Variants in TRAPPC12 observed in about 807,000 individuals in gnomAD.
TRAPPC12 encodes trafficking protein particle complex subunit 12, also known as TPR repeat protein 15.
In TRAPPC12, 61 loss-of-function variants were observed where a neutral mutation model predicts 69.2. The observed-to-expected ratio is 0.88, with a 90% CI of 0.72 to 1.09. The LOEUF (loss-of-function observed/expected upper bound fraction) is 1.09. Ranked by LOEUF, TRAPPC12 falls within the 50% of genes least tolerant of loss-of-function variation. The probability of loss-of-function intolerance (pLI) is 0.00; values close to 1 mark genes in which losing one functional copy is unlikely to be tolerated. For synonymous variants in TRAPPC12, 469 were observed against 438.9 expected, an observed-to-expected ratio of 1.07 and a Z score of -0.86; for missense variants, 1,101 against 1,016.4, an observed-to-expected ratio of 1.08 and a Z score of -1.13.
intron 3 of TRAPPC12, among the ~76,000 whole-genome samples, chr2:3,419,146 A>G (rs796989559): frequency 1.4e-4 from 22 of 152,182 alleles, no homozygotes; most frequent in African/African-American, 5.1e-4. Flanking sequence ...TCCTCACTGT[A>G]GGTCATGTCC....
intron 3 of TRAPPC12, among the ~76,000 whole-genome samples, chr2:3,421,292 C>T (rs1662769791): frequency 6.6e-6 from 1 of 152,210 alleles, no homozygotes; most frequent in African/African-American, 2.4e-5. Flanking sequence ...GCCAGCCTTT[C>T]CATGTTGAAG....
intron 9 of TRAPPC12, 134 bp downstream of exon 9, chr2:3,465,829 C>T: frequency 1.4e-6 from 1 of 694,872 alleles, no homozygotes; most frequent in South Asian, 1.8e-5. Context: ...TGTATGTGAC[C>T]ATGAAAAGGG....
Position 3,388,479 on chromosome 2 carries a change from G to C in TRAPPC12, c.856G>C (p.Val286Leu). ...AGAGCCTTTCGCGCACATCCAGGCAGTGTTTGCAGGGAGTGACGACCCCTT... is the reference window on the plus strand; with the variant it reads ...AGAGCCTTTCGCGCACATCCAGGCACTGTTTGCAGGGAGTGACGACCCCTT... The part of the protein sequence containing the change: ...SPEPFAHIQA[V>L]FAGSDDPFAT... Residue 286 changes from valine (V) to leucine (L), a missense_variant, in exon 2 of 12, where the codon GTG (valine) becomes CTG (leucine). Coordinates refer to ENST00000324266, the MANE Select transcript of TRAPPC12 (RefSeq NM_016030.6). 1 of 1,612,606 alleles carries C rather than the reference G, an allele frequency of 6.2e-7. No individual in the cohort carries two copies. Among genetic ancestry groups the C allele is most frequent in the Non-Finnish European group, 8.5e-7 (1 of 1,179,616 alleles).
At chr2:3,431,898 C>T (rs1454596738) in intron 5 of TRAPPC12, among the ~76,000 whole-genome samples, 1 of 152,178 alleles carries the variant, frequency 6.6e-6, no homozygotes, top group African/African-American at 2.4e-5. Context: ...CATCCTCTCT[C>T]AGGCAGTTAA....
intron 3 of TRAPPC12, among the ~76,000 whole-genome samples, chr2:3,418,517 A>T (rs1008888911): frequency 2.0e-5 from 3 of 152,196 alleles, no homozygotes; most frequent in Non-Finnish European, 4.4e-5. Flanking sequence ...GTAAAAGACC[A>T]TAGAATAAAC....
chr2:3,389,163 A>G (rs902158793), intron 2 of TRAPPC12, among the ~76,000 whole-genome samples: 1 of 152,252 alleles, frequency 6.6e-6, no homozygotes, highest in African/African-American at 2.4e-5. Flanking sequence ...CTCACTACTA[A>G]TGAAAGACAA....
At chr2:3,451,457 G>A (rs1313394491) in intron 6 of TRAPPC12, among the ~76,000 whole-genome samples, 2 of 152,206 alleles carry the variant, frequency 1.3e-5, no homozygotes, top group African/African-American at 4.8e-5. Flanking sequence ...CATGATTACA[G>A]TCACTTTCAG....
At chr2:3,420,652 A>G (rs993970267) in intron 3 of TRAPPC12, among the ~76,000 whole-genome samples, 6 of 152,076 alleles carry the variant, frequency 3.9e-5, no homozygotes, top group African/African-American at 1.4e-4. Flanking sequence ...CTGGAATTGG[A>G]GCAGGTCGTT....
intron 5 of TRAPPC12, among the ~76,000 whole-genome samples, chr2:3,426,076 T>C (rs1317288170): frequency 6.6e-6 from 1 of 152,240 alleles, no homozygotes; most frequent in Non-Finnish European, 1.5e-5. Context: ...TGGTCCATAT[T>C]ACTCTGAGTT....
chr2:3,451,641 G>A (rs1000448297), intron 6 of TRAPPC12, among the ~76,000 whole-genome samples: 1 of 151,566 alleles, frequency 6.6e-6, no homozygotes, highest in Non-Finnish European at 1.5e-5. Context: ...CTTCTGCCTC[G>A]CCCTCCTGAG....
chr2:3,432,498 A>G (rs1558378763), intron 5 of TRAPPC12, among the ~76,000 whole-genome samples: 1 of 152,220 alleles, frequency 6.6e-6, no homozygotes, highest in Non-Finnish European at 1.5e-5. Flanking sequence ...ATATCTCAGA[A>G]TTAAATATTC....
chr2:3,470,514 G>A (rs936285344), intron 9 of TRAPPC12, among the ~76,000 whole-genome samples: 1 of 152,240 alleles, frequency 6.6e-6, no homozygotes, highest in Non-Finnish European at 1.5e-5. Context: ...ATGGACAACA[G>A]ACCAATCCTG....
At chr2:3,462,207 G>A (rs1253104718) in intron 8 of TRAPPC12, among the ~76,000 whole-genome samples, 1 of 152,134 alleles carries the variant, frequency 6.6e-6, no homozygotes, top group Admixed American at 6.5e-5. Context: ...GCTTTTCTTT[G>A]TGGCACTGTG....
At chr2:3,382,660 C>A (rs1195827523) in intron 1 of TRAPPC12, among the ~76,000 whole-genome samples, 1 of 152,188 alleles carries the variant, frequency 6.6e-6, no homozygotes, top group African/African-American at 2.4e-5. Flanking sequence ...GCACGTGGCT[C>A]ACGCCTGTAA....
At chr2:3,383,900 T>TG (rs1660365556) in intron 1 of TRAPPC12, among the ~76,000 whole-genome samples, 5 of 74,354 alleles carry the variant, frequency 6.7e-5, no homozygotes, top group African/African-American at 3.2e-4. Context: ...TTTTTTTTTT[T>TG]TTTTTTTTTT....
chr2:3,421,680 T>C (rs1294927450), intron 3 of TRAPPC12: 2 of 715,854 alleles, frequency 2.8e-6, no homozygotes, highest in Non-Finnish European at 5.2e-6. Flanking sequence ...GGCTCTCTTA[T>C]TGCCTAATTA....
chr2:3,410,910 G>T (rs1662020026), intron 3 of TRAPPC12, among the ~76,000 whole-genome samples: 2 of 152,138 alleles, frequency 1.3e-5, no homozygotes, highest in South Asian at 4.1e-4. Context: ...CACGCCTGTA[G>T]TCCCAGCTAC....
chr2:3,448,646 G>T (rs1664659076), intron 6 of TRAPPC12, among the ~76,000 whole-genome samples: 1 of 147,848 alleles, frequency 6.8e-6, no homozygotes. Flanking sequence ...CGAGGGTAGG[G>T]CGTGGAGAGC....
chr2:3,457,834 T>C (rs1036936489), intron 7 of TRAPPC12, 141 bp downstream of exon 7: 15 of 1,455,602 alleles, frequency 1.0e-5, no homozygotes, highest in African/African-American at 2.8e-5. Flanking sequence ...TGCAACTCAC[T>C]CCTTTCTTGG....
Sources: allele counts gnomAD v4.1 joint callset (sites outside exome capture counted in the v4.1 genomes callset), GRCh38; gene constraint gnomAD v4.1.1; transcripts MANE v1.5; gene names NCBI Gene and HGNC (gene_info 2026-07-23, HGNC 2026-07-21).